Variants in UVRAG observed in about 807,000 individuals in gnomAD.
UVRAG encodes the protein UV radiation resistance associated.
In UVRAG, 19 loss-of-function variants were observed where a neutral mutation model predicts 78.0. The ratio of observed to expected loss-of-function variants is 0.24; its 90% CI spans 0.17 to 0.36. The LOEUF (loss-of-function observed/expected upper bound fraction) is 0.36. UVRAG is among the 10% of genes least tolerant of loss of function. The pLI is 1.00. For missense variants in UVRAG, 740 were observed against 853.8 expected (o/e 0.87, Z 1.66); for synonymous variants, 323 against 324.6 (o/e 1.00, Z 0.05).
At position 75,864,724 on chromosome 11, in the gene UVRAG, C is replaced by T. The variant is rs569147331; in HGVS notation, c.270+2944C>T. Among the ~76,000 whole-genome samples, 12 of 152,284 alleles carry T rather than the reference C, an allele frequency of 7.9e-5. No individual in the cohort carries two copies. In the South Asian group the frequency reaches 1.0e-3, roughly 13 times the overall value. Reference sequence around the variant, plus strand: ...CTTCCCTAAGGATATTTATTAACTTCGAAGTTATATCCTGAAACTGCAAAT... The same window carrying T: ...CTTCCCTAAGGATATTTATTAACTTTGAAGTTATATCCTGAAACTGCAAAT... On this transcript the variant is annotated intron_variant, in intron 3 of 14. Coordinates refer to ENST00000356136, the MANE Select transcript of UVRAG (RefSeq NM_003369.4).
At chr11:76,123,532 A>G (rs1350174346) in intron 14 of UVRAG, among the ~76,000 whole-genome samples, 1 of 152,190 alleles carries the variant, frequency 6.6e-6, no homozygotes, top group Non-Finnish European at 1.5e-5. Flanking sequence ...AAAAGGAAGA[A>G]TAAGAATAAG....
At chr11:76,084,295 C>G (rs1304209517) in intron 13 of UVRAG, among the ~76,000 whole-genome samples, 2 of 152,168 alleles carry the variant, frequency 1.3e-5, no homozygotes, top group Non-Finnish European at 2.9e-5. Context: ...TTTACATCTT[C>G]CATCAGTGCT....
chr11:75,883,093 A>C (rs1455483617), intron 4 of UVRAG, among the ~76,000 whole-genome samples: 2 of 152,156 alleles, frequency 1.3e-5, no homozygotes, highest in Admixed American at 1.3e-4. Flanking sequence ...CTCTTTGGAT[A>C]GACTCTGATA....
At chr11:76,071,589 A>G (rs768427291) in intron 13 of UVRAG, among the ~76,000 whole-genome samples, 1 of 151,900 alleles carries the variant, frequency 6.6e-6, no homozygotes, top group Non-Finnish European at 1.5e-5. Context: ...TTTTGGCCCC[A>G]CCCACCCATC....
At chr11:76,137,938 AAAG>A (rs1251596360) in intron 14 of UVRAG, among the ~76,000 whole-genome samples, 1 of 152,162 alleles carries the variant, frequency 6.6e-6, no homozygotes, top group Non-Finnish European at 1.5e-5. Context: ...TAAAAAATAA[AAAG>A]AGAGAGAACC....
intron 6 of UVRAG, among the ~76,000 whole-genome samples, chr11:75,957,591 C>A (rs7115657): frequency 6.6e-6 from 1 of 151,832 alleles, no homozygotes; most frequent in Non-Finnish European, 1.5e-5. Context: ...CCTTTGGGAC[C>A]GTGATTAGGA....
chr11:75,989,641 A>C (rs149476282), intron 8 of UVRAG, among the ~76,000 whole-genome samples: 36 of 152,276 alleles, frequency 2.4e-4, no homozygotes, highest in African/African-American at 8.2e-4. Context: ...CACTTTACTC[A>C]TCTCTCCTTG....
At chr11:75,920,316 C>T (rs113306094) in intron 6 of UVRAG, among the ~76,000 whole-genome samples, 4,870 of 152,006 alleles carry the variant, frequency 0.032, 263 homozygotes, top group African/African-American at 0.11. Flanking sequence ...TGAGCCACCA[C>T]GCCTGGCTAA....
intron 7 of UVRAG, among the ~76,000 whole-genome samples, chr11:75,972,296 C>G (rs1400121071): frequency 2.0e-5 from 3 of 152,140 alleles, no homozygotes; most frequent in South Asian, 4.1e-4. Flanking sequence ...ATCTCCAAAC[C>G]CAGAGTCTTC....
At chr11:75,961,337 G>A (rs909532558) in intron 6 of UVRAG, 107 bp from the exon 7 acceptor site, 2 of 782,628 alleles carry the variant, frequency 2.6e-6, no homozygotes, top group Non-Finnish European at 2.0e-6. Flanking sequence ...AATCAATTGA[G>A]TTCATTATTA....
chr11:76,002,388 T>A (rs1175896197), intron 8 of UVRAG, among the ~76,000 whole-genome samples: 1 of 151,596 alleles, frequency 6.6e-6, no homozygotes, highest in Non-Finnish European at 1.5e-5. Context: ...TTGCAAGGAG[T>A]TTTCTTGAGG....
intron 5 of UVRAG, among the ~76,000 whole-genome samples, chr11:75,899,550 T>C (rs947819862): frequency 1.3e-5 from 2 of 152,122 alleles, no homozygotes; most frequent in African/African-American, 4.8e-5. Flanking sequence ...AGGTGGTGAA[T>C]AGCAGATCCA....
chr11:76,068,724 T>A (rs1951244872), intron 13 of UVRAG, among the ~76,000 whole-genome samples: 1 of 152,252 alleles, frequency 6.6e-6, no homozygotes, highest in Non-Finnish European at 1.5e-5. Context: ...CATCACTTTT[T>A]CACGTTTTGA....
At chr11:75,946,392 A>G (rs1948588526) in intron 6 of UVRAG, among the ~76,000 whole-genome samples, 1 of 152,236 alleles carries the variant, frequency 6.6e-6, no homozygotes, top group Non-Finnish European at 1.5e-5. Context: ...AAAGAAGGAT[A>G]ATTAATATTT....
intron 2 of UVRAG, among the ~76,000 whole-genome samples, chr11:75,853,304 CAAG>C (rs1025152997): frequency 7.2e-5 from 11 of 152,042 alleles, no homozygotes; most frequent in African/African-American, 2.7e-4. Flanking sequence ...AAAATTGAGT[CAAG>C]AAATATACAG....
chr11:75,890,810 T>C (rs1050860144), intron 5 of UVRAG, among the ~76,000 whole-genome samples: 1 of 152,076 alleles, frequency 6.6e-6, no homozygotes, highest in African/African-American at 2.4e-5. Flanking sequence ...AGACCTCCAG[T>C]TTTTAAAGTC....
At chr11:75,834,272 A>G (rs773324938) in intron 1 of UVRAG, among the ~76,000 whole-genome samples, 3 of 152,120 alleles carry the variant, frequency 2.0e-5, no homozygotes, top group Non-Finnish European at 2.9e-5. Context: ...AAAATAGGAC[A>G]TTCCTCATTT....
At chr11:75,986,916 A>G (rs753574005) in intron 8 of UVRAG, among the ~76,000 whole-genome samples, 33 of 152,218 alleles carry the variant, frequency 2.2e-4, no homozygotes, top group Non-Finnish European at 2.6e-4. Context: ...AGGTTCATCC[A>G]CACTGTATCA....
At chr11:76,007,496 A>G in intron 9 of UVRAG, 38 bp from the exon 10 acceptor site, 3 of 1,458,860 alleles carry the variant, frequency 2.1e-6, no homozygotes, top group Non-Finnish European at 2.9e-6. Context: ...ATGCAAGCAT[A>G]TATTTTTTAA....
Sources: allele counts gnomAD v4.1 joint callset (sites outside exome capture counted in the v4.1 genomes callset), GRCh38; gene constraint gnomAD v4.1.1; transcripts MANE v1.5; gene names NCBI Gene and HGNC (gene_info 2026-07-23, HGNC 2026-07-21).